Variants in NAALADL2 observed in about 807,000 individuals in gnomAD.
The protein encoded by NAALADL2 is inactive N-acetylated-alpha-linked acidic dipeptidase-like protein 2.
NAALADL2 carries 76 observed loss-of-function variants against 87.2 expected under a neutral mutation model. The ratio of observed to expected loss-of-function variants is 0.87; its 90% CI spans 0.72 to 1.05. NAALADL2 has a LOEUF of 1.05. NAALADL2 is among the 50% of genes least tolerant of loss of function. NAALADL2 has a pLI of 0.00. For missense variants in NAALADL2, 1,089 were observed against 945.8 expected, an observed-to-expected ratio of 1.15 and a Z score of -1.99; for synonymous variants, 354 against 331.0, an observed-to-expected ratio of 1.07 and a Z score of -0.75.
At chr3:175,661,289 ATTTGTTTG>A (rs200320480) in intron 11 of NAALADL2, among the ~76,000 whole-genome samples, 1 of 147,870 alleles carries the variant, frequency 6.8e-6, no homozygotes, top group Non-Finnish European at 1.5e-5. Context: ...GATGATTTGT[ATTTGTTTG>A]TTTGTTTGTT....
chr3:174,761,864 G>GT (rs1375844311), intron 3 of NAALADL2, among the ~76,000 whole-genome samples: 1 of 150,270 alleles, frequency 6.7e-6, no homozygotes, highest in African/African-American at 2.4e-5. Context: ...GCGGTGTTTG[G>GT]TTTTTTGTCC....
intron 4 of NAALADL2, among the ~76,000 whole-genome samples, chr3:175,287,196 G>A (rs1164232240): frequency 6.6e-5 from 10 of 152,144 alleles, no homozygotes; most frequent in African/African-American, 2.4e-4. Flanking sequence ...CCCCATGAAA[G>A]TGCTATAAAT....
intron 1 of NAALADL2, among the ~76,000 whole-genome samples, chr3:175,053,604 C>A (rs561197447): frequency 2.6e-5 from 4 of 152,290 alleles, no homozygotes; most frequent in African/African-American, 9.6e-5. Flanking sequence ...ACAAGCATAA[C>A]CTCTGCCCCA....
At chr3:175,403,418 T>C (rs1182312709) in intron 5 of NAALADL2, among the ~76,000 whole-genome samples, 10 of 152,116 alleles carry the variant, frequency 6.6e-5, no homozygotes, top group Non-Finnish European at 1.0e-4. Context: ...GGTGTGGATA[T>C]TCATTTAGTC....
At chr3:175,503,135 A>C (rs905583718) in intron 9 of NAALADL2, among the ~76,000 whole-genome samples, 3 of 151,964 alleles carry the variant, frequency 2.0e-5, no homozygotes, top group Non-Finnish European at 4.4e-5. Flanking sequence ...CTGTTTGTTC[A>C]TATGTACTTG....
intron 2 of NAALADL2, among the ~76,000 whole-genome samples, chr3:175,210,157 T>C (rs1339052502): frequency 6.6e-6 from 1 of 151,840 alleles, no homozygotes; most frequent in Non-Finnish European, 1.5e-5. Flanking sequence ...AAGGGTTGAA[T>C]AGGGCGTTTA....
intron 1 of NAALADL2, among the ~76,000 whole-genome samples, chr3:174,526,209 C>G (rs903580887): frequency 6.6e-6 from 1 of 152,102 alleles, no homozygotes; most frequent in Non-Finnish European, 1.5e-5. Flanking sequence ...ATCCCTCTTG[C>G]CAATGGTGAT....
chr3:175,654,205 C>G (rs1239496901), intron 11 of NAALADL2, among the ~76,000 whole-genome samples: 2 of 152,142 alleles, frequency 1.3e-5, no homozygotes. Context: ...TCTGGTGTTG[C>G]TTCTCTTCCT....
At chr3:174,989,535 G>GT (rs1746427460) in intron 1 of NAALADL2, among the ~76,000 whole-genome samples, 1 of 152,128 alleles carries the variant, frequency 6.6e-6, no homozygotes, top group Non-Finnish European at 1.5e-5. Context: ...AGGGATTTTG[G>GT]TTTTTATGTT....
chr3:174,701,523 C>T (rs941752090), intron 2 of NAALADL2, among the ~76,000 whole-genome samples: 3 of 152,006 alleles, frequency 2.0e-5, no homozygotes, highest in Non-Finnish European at 4.4e-5. Context: ...TTGATGTGTA[C>T]GTTTGTGAAT....
intron 5 of NAALADL2, among the ~76,000 whole-genome samples, chr3:175,371,357 C>T (rs1306689004): frequency 9.2e-5 from 14 of 151,936 alleles, no homozygotes; most frequent in Non-Finnish European, 2.1e-4. Flanking sequence ...AAGCTCCGCC[C>T]CCCGGGTTCT....
At chr3:174,898,447 G>A (rs148790316) in intron 1 of NAALADL2, among the ~76,000 whole-genome samples, 1 of 151,836 alleles carries the variant, frequency 6.6e-6, no homozygotes, top group East Asian at 1.9e-4. Flanking sequence ...TAGCACAACA[G>A]GGTGACTATA....
intron 3 of NAALADL2, among the ~76,000 whole-genome samples, chr3:174,826,397 T>A (rs1435578731): frequency 6.6e-6 from 1 of 152,214 alleles, no homozygotes; most frequent in Non-Finnish European, 1.5e-5. Flanking sequence ...ATGTGTATCA[T>A]CTGTAAAATG....
In NAALADL2 at chr3:174,707,779, G is replaced by A. The variant is rs563088427; in HGVS notation, c.-114-29862G>A. ...CTGCACGTTGTGCACATGTACCCTA[G>A]AACTTAAAGTATAATAAAAAAAAAT... On this transcript the variant is annotated intron_variant, in intron 2 of 3. Coordinates refer to the NAALADL2 transcript ENST00000434257. 2.4e-3 allele frequency among the ~76,000 whole-genome samples: 362 copies of A among 149,978 alleles called. 2 individuals carry two copies. Among genetic ancestry groups the A allele is most frequent in the African/African-American group, 8.4e-3 (344 of 40,750 alleles).
At chr3:175,208,337 A>G (rs1741263983) in intron 2 of NAALADL2, among the ~76,000 whole-genome samples, 1 of 152,282 alleles carries the variant, frequency 6.6e-6, no homozygotes, top group East Asian at 1.9e-4. Flanking sequence ...TTGCTTTGCT[A>G]GTACCCCTGC....
At chr3:174,985,390 A>G (rs1006568681) in intron 1 of NAALADL2, among the ~76,000 whole-genome samples, 1 of 152,210 alleles carries the variant, frequency 6.6e-6, no homozygotes, top group Non-Finnish European at 1.5e-5. Context: ...AGAATATGTC[A>G]GAATTATTCT....
intron 7 of NAALADL2, 85 bp downstream of exon 7, chr3:175,463,578 A>G (rs1723484116): frequency 1.4e-6 from 1 of 713,076 alleles, no homozygotes; most frequent in East Asian, 3.0e-5. Context: ...ATTATACTTA[A>G]ATATCCTACT....
intron 2 of NAALADL2, among the ~76,000 whole-genome samples, chr3:175,185,261 A>G (rs76781850): frequency 2.0e-5 from 3 of 152,234 alleles, no homozygotes; most frequent in East Asian, 1.9e-4. Flanking sequence ...GAAGATGCAT[A>G]TATCCTATAA....
chr3:175,471,057 T>G (rs1478653724), intron 8 of NAALADL2, among the ~76,000 whole-genome samples: 2 of 152,150 alleles, frequency 1.3e-5, no homozygotes, highest in Non-Finnish European at 2.9e-5. Flanking sequence ...GAAGAACATT[T>G]TCTCTTAAAA....
Sources: allele counts gnomAD v4.1 joint callset (sites outside exome capture counted in the v4.1 genomes callset), GRCh38; gene constraint gnomAD v4.1.1; transcripts MANE v1.5; gene names NCBI Gene and HGNC (gene_info 2026-07-23, HGNC 2026-07-21).